The following ITPR2 variants were observed in gnomAD, a reference collection of about 807,000 sequenced individuals.
The protein encoded by ITPR2 is inositol 1,4,5-trisphosphate-gated calcium channel ITPR2.
ITPR2 carries 207 observed loss-of-function variants against 317.1 expected under a neutral mutation model. The observed-to-expected ratio is 0.65, with a 90% confidence interval of 0.58 to 0.73. The LOEUF (loss-of-function observed/expected upper bound fraction) is 0.73. Ranked by LOEUF, ITPR2 falls within the 30% of genes least tolerant of loss-of-function variation. The pLI, the probability that ITPR2 is intolerant of heterozygous loss-of-function variation, is 0.00. For missense variants in ITPR2, 2,613 were observed against 3,284.0 expected (o/e 0.80, Z 4.99); for synonymous variants, 1,156 against 1,149.1 (o/e 1.01, Z -0.12).
At chr12:26,387,730 T>A in intron 54 of ITPR2, 136 bp from the exon 55 acceptor site, 1 of 760,776 alleles carries the variant, frequency 1.3e-6, no homozygotes. Flanking sequence ...AATGCTATGA[T>A]TAAAAACAAC....
intron 21 of ITPR2, among the ~76,000 whole-genome samples, chr12:26,639,156 T>C (rs915035378): frequency 9.2e-5 from 14 of 152,176 alleles, no homozygotes; most frequent in Admixed American, 2.6e-4. Flanking sequence ...GGTGATGTGC[T>C]AGCCATTTTC....
intron 15 of ITPR2, among the ~76,000 whole-genome samples, chr12:26,662,127 A>T (rs1472931365): frequency 6.6e-6 from 1 of 152,160 alleles, no homozygotes; most frequent in Non-Finnish European, 1.5e-5. Context: ...TACTCTTTTC[A>T]GACCTTTCTT....
At chr12:26,604,746 G>C (rs1946083328) in intron 26 of ITPR2, among the ~76,000 whole-genome samples, 1 of 152,172 alleles carries the variant, frequency 6.6e-6, no homozygotes, top group South Asian at 2.1e-4. Flanking sequence ...AAATAAAAGA[G>C]AGAAAAGAAT....
chr12:26,342,107 G>C (rs181977018), intron 55 of ITPR2, among the ~76,000 whole-genome samples: 2 of 152,268 alleles, frequency 1.3e-5, no homozygotes, highest in Admixed American at 6.5e-5. Context: ...AGCCCAAGTG[G>C]ATGTGCAGAT....
chr12:26,698,439 G>A (rs1400835384), intron 9 of ITPR2, among the ~76,000 whole-genome samples: 1 of 152,198 alleles, frequency 6.6e-6, no homozygotes, highest in Non-Finnish European at 1.5e-5. Context: ...AAGACATTAA[G>A]TGGATGAAGG....
chr12:26,680,033 A>G (rs1947999288), intron 13 of ITPR2, among the ~76,000 whole-genome samples: 1 of 152,114 alleles, frequency 6.6e-6, no homozygotes, highest in African/African-American at 2.4e-5. Flanking sequence ...TGATTTCTAC[A>G]TACTCTCCTA....
chr12:26,624,022 G>A (rs1221821136), intron 24 of ITPR2, among the ~76,000 whole-genome samples: 2 of 152,078 alleles, frequency 1.3e-5, no homozygotes, highest in African/African-American at 4.8e-5. Context: ...GGCATTCTTG[G>A]GCTGTCATTA....
At chr12:26,616,056 A>G (rs1946365661) in intron 26 of ITPR2, among the ~76,000 whole-genome samples, 1 of 152,086 alleles carries the variant, frequency 6.6e-6, no homozygotes, top group Non-Finnish European at 1.5e-5. Context: ...TTATCTGGTC[A>G]CAAGTTAATT....
At chr12:26,736,123 A>C (rs575808749) in intron 2 of ITPR2, among the ~76,000 whole-genome samples, 2 of 152,156 alleles carry the variant, frequency 1.3e-5, no homozygotes, top group African/African-American at 4.8e-5. Context: ...TTCTGCTCTG[A>C]AGGGTTTTAC....
chr12:26,631,976 T>G lies in ITPR2; in HGVS notation c.2824A>C (p.Ser942Arg), dbSNP rs1480688945. The G allele has an allele frequency of 1.2e-6, 2 of 1,613,546 alleles. No individual in the cohort carries two copies. Among genetic ancestry groups the G allele is most frequent in the Non-Finnish European group, 1.7e-6 (2 of 1,179,866 alleles). ...VLSRGSIFPM[S>R]VPDVPPSIHP... is the part of the protein sequence containing the mutation. ...ATGCTGGGTGGCACATCCGGCACGC[T>G]CATGGGGAAGATGGAGCCTCTACTG... Residue 942 changes from serine to arginine, a missense_variant, in exon 22 of 57, where the codon AGC becomes CGC. Coordinates refer to ENST00000381340, the MANE Select transcript of ITPR2 (RefSeq NM_002223.4).
At chr12:26,770,774 AT>A (rs1161366367) in intron 2 of ITPR2, among the ~76,000 whole-genome samples, 1 of 152,192 alleles carries the variant, frequency 6.6e-6, no homozygotes, top group African/African-American at 2.4e-5. Context: ...AGTCAAGTTT[AT>A]TAGTTTCCTG....
At position 26,551,421 on chromosome 12, in the gene ITPR2, C is replaced by T. The variant is rs147140306; in HGVS notation, c.4965-1066G>A. Among the ~76,000 whole-genome samples, 90 of 152,296 alleles carry T rather than the reference C, an allele frequency of 5.9e-4. 1 individual carries two copies. In the East Asian group the frequency reaches 0.015, roughly 26 times the overall value. The stretch of plus-strand genomic sequence containing the variant: ...TACCTAAATTGTTAAGTGGTGAGAC[C>T]TGCAAATGCATTCAGGTCCATCTGA... On this transcript the variant is annotated intron_variant, in intron 36 of 56. Transcript: ENST00000381340.
chr12:26,556,486 T>C (rs1365724616), intron 35 of ITPR2, 111 bp from the exon 36 acceptor site: 6 of 968,844 alleles, frequency 6.2e-6, no homozygotes, highest in Non-Finnish European at 9.0e-6. Flanking sequence ...TGCCCCTCTA[T>C]TTCCATAGCA....
intron 40 of ITPR2, chr12:26,486,822 A>G (rs1158622511): frequency 1.5e-6 from 1 of 650,768 alleles, no homozygotes; most frequent in Non-Finnish European, 2.8e-6. Flanking sequence ...TTTACCATGC[A>G]TGCCACAATG....
intron 37 of ITPR2, among the ~76,000 whole-genome samples, chr12:26,507,857 C>CTCTG (rs1326140162): frequency 2.4e-4 from 21 of 88,240 alleles, no homozygotes; most frequent in African/African-American, 6.1e-4. Flanking sequence ...TCTTCTCTCT[C>CTCTG]TGTCTCTGTG....
At chr12:26,373,807 A>G (rs1425478948) in intron 55 of ITPR2, 1 of 150,148 alleles carries the variant, frequency 6.7e-6, no homozygotes, top group Non-Finnish European at 1.5e-5. Flanking sequence ...AAAATGAAAA[A>G]GCTGATTACA....
At chr12:26,692,451 T>C (rs1362423670) in intron 10 of ITPR2, among the ~76,000 whole-genome samples, 1 of 152,160 alleles carries the variant, frequency 6.6e-6, no homozygotes, top group Non-Finnish European at 1.5e-5. Flanking sequence ...AAAAATCAGA[T>C]CATATTCCAC....
chr12:26,375,080 A>T (rs1395030565), intron 55 of ITPR2, among the ~76,000 whole-genome samples: 4 of 152,204 alleles, frequency 2.6e-5, no homozygotes, highest in African/African-American at 9.6e-5. Context: ...TTATTCCCAC[A>T]ACTTACATTT....
rs1283617620 is a variant in ITPR2, at chr12:26,656,463, G to A, written c.2278C>T (p.Leu760=). ...NQISTQLSVD[L]ILRCVSDESL... is the part of the protein sequence containing the mutation. The stretch of plus-strand genomic sequence containing the variant: ...TCATCCGACACACACCGCAGGATCA[G>A]GTCTACAGACAGCTGTGTAGAAATC... Residue 760 remains leucine, a synonymous_variant, in exon 19 of 57, where the codon CTG becomes TTG. Transcript: ENST00000381340. 1 of 1,614,218 alleles carries A rather than the reference G, an allele frequency of 6.2e-7. No homozygotes were observed. Among genetic ancestry groups the A allele is most frequent in the South Asian group, 1.1e-5 (1 of 91,086 alleles).
Sources: gnomAD v4.1 joint callset for allele counts (sites outside exome capture counted in the v4.1 genomes callset) on GRCh38, gnomAD v4.1.1 for gene constraint, MANE v1.5 for transcripts, NCBI Gene and HGNC (gene_info 2026-07-23, HGNC 2026-07-21) for gene names.